The following PRUNE2 variants were observed in gnomAD, a reference collection of about 807,000 sequenced individuals.
The protein encoded by PRUNE2 is protein prune homolog 2.
Under a neutral mutation model 252.0 loss-of-function variants are expected in PRUNE2, and 164 were observed. That is an observed-to-expected ratio of 0.65 (90% confidence interval 0.57 to 0.74). The LOEUF (loss-of-function observed/expected upper bound fraction) is 0.74, where lower values mean the gene tolerates loss of function less well. Ranked by LOEUF, PRUNE2 falls within the 30% of genes least tolerant of loss-of-function variation. The pLI is 0.00. For missense variants in PRUNE2, 3,495 were observed against 3,711.0 expected, an observed-to-expected ratio of 0.94 and a Z score of 1.51; for synonymous variants, 1,292 against 1,350.2, an observed-to-expected ratio of 0.96 and a Z score of 0.94.
At chr9:76,800,083 G>A (rs778225438) in intron 6 of PRUNE2, among the ~76,000 whole-genome samples, 4 of 152,010 alleles carry the variant, frequency 2.6e-5, no homozygotes, top group Non-Finnish European at 5.9e-5. Flanking sequence ...TAAGTTCTAG[G>A]GTACATGTGC....
At chr9:76,860,433 C>CTG (rs147913278) in intron 1 of PRUNE2, among the ~76,000 whole-genome samples, 2,580 of 152,234 alleles carry the variant, frequency 0.017, 85 homozygotes, top group African/African-American at 0.059. Context: ...AAGGAAATGA[C>CTG]TTACTGCCTT....
intron 1 of PRUNE2, among the ~76,000 whole-genome samples, chr9:76,879,905 T>TTTTG (rs1564494152): frequency 1.5e-5 from 1 of 67,846 alleles, no homozygotes; most frequent in South Asian, 5.6e-4. Flanking sequence ...ATATATATAT[T>TTTTG]TTTTTTTTTT....
intron 6 of PRUNE2, among the ~76,000 whole-genome samples, chr9:76,783,521 T>A (rs944464349): frequency 6.6e-6 from 1 of 152,194 alleles, no homozygotes; most frequent in African/African-American, 2.4e-5. Flanking sequence ...TTATGTAGAT[T>A]GCTTCATTTG....
intron 1 of PRUNE2, among the ~76,000 whole-genome samples, chr9:76,880,060 C>A (rs896793578): frequency 1.3e-5 from 2 of 150,956 alleles, no homozygotes; most frequent in Admixed American, 6.6e-5. Context: ...ACTACAGGCA[C>A]GCGCCACCAC....
chr9:76,637,595 T>C (rs780106274), intron 13 of PRUNE2, 46 bp from the exon 14 acceptor site: 7 of 1,562,166 alleles, frequency 4.5e-6, no homozygotes, highest in African/African-American at 1.4e-5. Context: ...CCACATCCTA[T>C]TGACACCATA....
intron 7 of PRUNE2, among the ~76,000 whole-genome samples, chr9:76,712,441 T>C (rs1364378520): frequency 2.0e-5 from 3 of 147,174 alleles, no homozygotes; most frequent in East Asian, 4.0e-4. Context: ...CAGGACTCTG[T>C]TGCTTAAGAT....
chr9:76,630,743 G>T (rs912180854), intron 15 of PRUNE2, among the ~76,000 whole-genome samples: 7 of 152,104 alleles, frequency 4.6e-5, no homozygotes, highest in Non-Finnish European at 7.4e-5. Flanking sequence ...AGCCAGGATG[G>T]TCTCCATCTC....
intron 6 of PRUNE2, chr9:76,764,437 CA>C (rs1299936079): frequency 6.6e-6 from 1 of 151,988 alleles, no homozygotes; most frequent in Admixed American, 6.6e-5. Flanking sequence ...GTGTTCCAGA[CA>C]GAAGAAATAG....
At chr9:76,692,107 G>A (rs1359541445) in intron 9 of PRUNE2, 3 of 717,344 alleles carry the variant, frequency 4.2e-6, no homozygotes, top group African/African-American at 1.7e-5. Context: ...TCTAACGGAG[G>A]GTGAGAAGGA....
chr9:76,830,439 A>T lies in PRUNE2; in HGVS notation c.509-3707T>A, dbSNP rs557270948. ...GGTGGAGGTGGGTAGATCATTTGAC[A>T]TCAGGAGTTTGAGACCAGCCTGGCC... On this transcript the variant is annotated intron_variant, in intron 4 of 18. Transcript: ENST00000376718. Among the ~76,000 whole-genome samples, 75 of 152,186 alleles carry T rather than the reference A, an allele frequency of 4.9e-4. 1 individual carries two copies. In the South Asian group the frequency reaches 0.015, roughly 31 times the overall value.
At chr9:76,642,710 T>C (rs1172540871) in intron 12 of PRUNE2, among the ~76,000 whole-genome samples, 1 of 152,270 alleles carries the variant, frequency 6.6e-6, no homozygotes, top group East Asian at 1.9e-4. Context: ...CATTATGGTC[T>C]AAGAGAGTGC....
chr9:76,819,838 C>T lies in PRUNE2; in HGVS notation c.756+3794G>A, dbSNP rs1028385659. Among the ~76,000 whole-genome samples, 4 of 152,152 alleles carry T rather than the reference C, an allele frequency of 2.6e-5. No homozygotes were observed. The South Asian group carries it at 8.3e-4, about 31-fold the overall frequency. Reference sequence around the variant, plus strand: ...ACTTCATTAGAATGAAAAGATGTTTCTTCCCCTTAACGTTTTAATATACTG... The same window carrying T: ...ACTTCATTAGAATGAAAAGATGTTTTTTCCCCTTAACGTTTTAATATACTG... On this transcript the variant is annotated intron_variant, in intron 6 of 18. Transcript: ENST00000376718.
At chr9:76,723,374 T>C (rs544543272) in intron 6 of PRUNE2, among the ~76,000 whole-genome samples, 4 of 152,332 alleles carry the variant, frequency 2.6e-5, no homozygotes, top group Admixed American at 2.0e-4. Flanking sequence ...CCATTCAGTA[T>C]GTACAAATCT....
intron 1 of PRUNE2, among the ~76,000 whole-genome samples, chr9:76,892,047 A>G (rs2062509526): frequency 7.7e-6 from 1 of 130,330 alleles, no homozygotes; most frequent in African/African-American, 3.1e-5. Flanking sequence ...GGAAGTGAAA[A>G]GACAAAGAGA....
At chr9:76,870,906 T>C (rs2061161623) in intron 1 of PRUNE2, among the ~76,000 whole-genome samples, 1 of 151,836 alleles carries the variant, frequency 6.6e-6, no homozygotes, top group Non-Finnish European at 1.5e-5. Flanking sequence ...ATTGCACAAC[T>C]CCAGGGAGTG....
intron 6 of PRUNE2, among the ~76,000 whole-genome samples, chr9:76,799,748 T>TA (rs1416656250): frequency 6.6e-6 from 1 of 152,248 alleles, no homozygotes; most frequent in Non-Finnish European, 1.5e-5. Context: ...ATAGATACCA[T>TA]AAAACTCTGT....
chr9:76,872,191 C>T (rs115501953), intron 1 of PRUNE2, among the ~76,000 whole-genome samples: 2,263 of 152,218 alleles, frequency 0.015, 59 homozygotes, highest in African/African-American at 0.052. Flanking sequence ...TTCCAAGCAT[C>T]GTCACAGGCA....
rs182794609 is a variant in PRUNE2 at position 76,850,748 on chromosome 9, T to C, written c.142-83A>G. ...ACATTTTCTCCAGCCTGGGGGTAACTGGTAAAAGGAATAGGAGTCTTCTGG... is the reference window on the plus strand; with the variant it reads ...ACATTTTCTCCAGCCTGGGGGTAACCGGTAAAAGGAATAGGAGTCTTCTGG... On this transcript the variant is annotated intron_variant, in intron 2 of 18. Transcript: ENST00000376718. 4.7e-3 allele frequency: 4,996 copies of C among 1,052,628 alleles called. 29 individuals are homozygous for C. The highest frequency in any genetic ancestry group is 0.011 in the Middle Eastern group (51 of 4,802). 65.2% of individuals were successfully genotyped at this position (1,052,628 alleles called of 1,614,324 possible). A position where few individuals can be genotyped will look rare whatever the true frequency, so the allele number is the denominator to read the frequency against.
chr9:76,858,103 T>C (rs533704104), intron 1 of PRUNE2, among the ~76,000 whole-genome samples: 16 of 152,316 alleles, frequency 1.1e-4, no homozygotes, highest in African/African-American at 3.4e-4. Context: ...ACAATAATAA[T>C]GATAAATGTA....
Sources: allele counts gnomAD v4.1 joint callset (sites outside exome capture counted in the v4.1 genomes callset), GRCh38; gene constraint gnomAD v4.1.1; transcripts MANE v1.5; gene names NCBI Gene and HGNC (gene_info 2026-07-23, HGNC 2026-07-21).